Variants in RPIA observed in about 807,000 individuals in gnomAD.
RPIA encodes ribose-5-phosphate isomerase.
In RPIA, 29 loss-of-function variants were observed where a neutral mutation model predicts 37.8. The ratio of observed to expected loss-of-function variants is 0.77; its 90% CI spans 0.57 to 1.05. The LOEUF is 1.05. Ranked by LOEUF, RPIA falls within the 50% of genes least tolerant of loss-of-function variation. RPIA has a pLI of 0.00. For synonymous variants in RPIA, 167 were observed against 157.0 expected (o/e 1.06, Z -0.48); for missense variants, 385 against 413.6 (o/e 0.93, Z 0.60).
At chr2:88,742,763 T>C (rs13429448) in intron 8 of RPIA, among the ~76,000 whole-genome samples, 9,337 of 152,192 alleles carry the variant, frequency 0.061, 519 homozygotes, top group African/African-American at 0.14. Flanking sequence ...TTTCACCTCC[T>C]TGGTTGGGTA....
intron 1 of RPIA, among the ~76,000 whole-genome samples, chr2:88,697,161 A>G (rs1019414360): frequency 1.3e-5 from 2 of 152,246 alleles, no homozygotes; most frequent in African/African-American, 2.4e-5. Flanking sequence ...ACAAAGGCAC[A>G]TACCTTCTTA....
intron 3 of RPIA, among the ~76,000 whole-genome samples, chr2:88,701,765 G>A (rs201258980): frequency 6.6e-6 from 1 of 152,336 alleles, no homozygotes; most frequent in East Asian, 1.9e-4. Flanking sequence ...TTAGAGGAAA[G>A]AGTATGTTGG....
chr2:88,704,847 A>G (rs1239011405), intron 3 of RPIA, among the ~76,000 whole-genome samples: 1 of 152,222 alleles, frequency 6.6e-6, no homozygotes, highest in African/African-American at 2.4e-5. Context: ...AAGCTCCTTA[A>G]GCTGATAAGC....
At chr2:88,692,080 G>A in intron 1 of RPIA, 97 bp downstream of exon 1, 1 of 1,453,590 alleles carries the variant, frequency 6.9e-7, no homozygotes, top group South Asian at 1.3e-5. Flanking sequence ...CCTAGCTCCT[G>A]GCAGGGCGGG....
At chr2:88,702,272 G>A (rs1672841583) in intron 3 of RPIA, among the ~76,000 whole-genome samples, 1 of 152,174 alleles carries the variant, frequency 6.6e-6, no homozygotes, top group South Asian at 2.1e-4. Context: ...TTGTCTGGTT[G>A]CAAGTAAGAT....
Position 88,713,374 on chromosome 2 carries a change from A to G in RPIA, c.402+13310A>G, listed in dbSNP as rs1470135305. Among the ~76,000 whole-genome samples the G allele has an allele frequency of 4.0e-5, 6 of 151,814 alleles. No individual in the cohort carries two copies. The South Asian group carries it at 8.3e-4, about 21-fold the overall frequency. ...TTCCTCAGTCATCATTTGACTCTAC[A>G]GAGCACTATGTTAAATACTTTCTCA... On this transcript the variant is annotated intron_variant, in intron 3 of 8. Transcript: ENST00000283646.
In RPIA at chr2:88,691,709, C is replaced by G. The variant is rs199519092; in HGVS notation, c.11C>G (p.Pro4Arg). Residue 4 changes from proline to arginine, a missense_variant, in exon 1 of 9, where the codon CCC becomes CGC. Around this residue, in one of 2 missense-constraint regions of RPIA, gnomAD observed 232 missense variants for 203.0 expected, o/e 1.14. Coordinates refer to ENST00000283646, the MANE Select transcript of RPIA (RefSeq NM_144563.3). MQR[P>R]GPFSTLYGRV... ...GAGCGAGGCGTCGGGATGCAGCGCCCCGGGCCCTTCAGCACCCTCTACGGG... is the reference window on the plus strand; with the variant it reads ...GAGCGAGGCGTCGGGATGCAGCGCCGCGGGCCCTTCAGCACCCTCTACGGG... 5.7e-6 allele frequency: 9 copies of G among 1,578,536 alleles called. No individual in the cohort carries two copies. The South Asian group carries it at 8.0e-5, about 14-fold the overall frequency.
At chr2:88,736,828 A>G (rs2104135833) in intron 7 of RPIA, 152 bp downstream of exon 7, 1 of 1,019,240 alleles carries the variant, frequency 9.8e-7, no homozygotes, top group Non-Finnish European at 1.4e-6. Flanking sequence ...TTTTCGGAGA[A>G]TTGGCCTGTT....
chr2:88,712,642 C>T (rs1388440498), intron 3 of RPIA, among the ~76,000 whole-genome samples: 1 of 152,192 alleles, frequency 6.6e-6, no homozygotes, highest in Non-Finnish European at 1.5e-5. Context: ...GATTACTTTT[C>T]CTTGCCTGCC....
At chr2:88,739,057 A>G (rs905221605) in intron 8 of RPIA, among the ~76,000 whole-genome samples, 3 of 152,172 alleles carry the variant, frequency 2.0e-5, no homozygotes, top group Admixed American at 6.5e-5. Flanking sequence ...GGCAGTGTAG[A>G]GATGAGTTAT....
rs1158289934 is a variant in RPIA at position 88,698,480 on chromosome 2, G to T, written c.286-4G>T. 6.2e-7 allele frequency: 1 copy of T among 1,613,844 alleles called. No homozygotes were observed. Among genetic ancestry groups the T allele is most frequent in the South Asian group, 1.1e-5 (1 of 91,076 alleles). ...TTTGTTTTTTCTTCCCCGTTTTTTG[G>T]CAGAATAACCAAGTGCTGGGAATTG... On this transcript the variant is annotated splice_polypyrimidine_tract_variant and splice_region_variant and intron_variant, in intron 1 of 8. Transcript: ENST00000283646.
At chr2:88,699,933 T>G (rs995665167) in intron 2 of RPIA, 76 bp from the exon 3 acceptor site, 1 of 1,494,712 alleles carries the variant, frequency 6.7e-7, no homozygotes, top group Non-Finnish European at 9.3e-7. Context: ...GTCTGTTGGT[T>G]TCGAGCAAAC....
rs1239927402 is a variant in RPIA at position 88,729,432 on chromosome 2, T to C, written c.462+95T>C. ...TGGGCTCCAGATATCTTGTAAAATC[T>C]AGGGAAGATGTCAGTTAGTTGTACC... On this transcript the variant is annotated intron_variant, in intron 4 of 8. Transcript: ENST00000283646. 2.4e-6 allele frequency: 3 copies of C among 1,244,192 alleles called. No homozygotes were observed. The African/African-American group carries it at 4.4e-5, about 18-fold the overall frequency. 77.1% of individuals were successfully genotyped at this position (1,244,192 alleles called of 1,614,324 possible). A position where few individuals can be genotyped will look rare whatever the true frequency, so the allele number is the denominator to read the frequency against.
intron 3 of RPIA, among the ~76,000 whole-genome samples, chr2:88,715,089 A>G (rs1180588836): frequency 6.6e-6 from 1 of 152,248 alleles, no homozygotes; most frequent in African/African-American, 2.4e-5. Flanking sequence ...ACGCAGAGAC[A>G]CTGGTTTGTA....
intron 6 of RPIA, 100 bp downstream of exon 6, chr2:88,735,837 C>A: frequency 8.7e-7 from 1 of 1,154,138 alleles, no homozygotes; most frequent in Non-Finnish European, 1.3e-6. Context: ...GCTGCAGGGA[C>A]TGTCTGACTT....
chr2:88,725,678 T>C (rs894779211), intron 3 of RPIA, among the ~76,000 whole-genome samples: 2 of 152,186 alleles, frequency 1.3e-5, no homozygotes, highest in African/African-American at 4.8e-5. Context: ...AAAGACACTG[T>C]CTCCATAAAA....
chr2:88,694,500 T>G (rs1042577070), intron 1 of RPIA, among the ~76,000 whole-genome samples: 1 of 152,172 alleles, frequency 6.6e-6, no homozygotes, highest in Non-Finnish European at 1.5e-5. Flanking sequence ...TATGTGAAGG[T>G]CAGGTTAAGT....
chr2:88,704,692 C>T (rs1201948795), intron 3 of RPIA, among the ~76,000 whole-genome samples: 5 of 152,096 alleles, frequency 3.3e-5, no homozygotes, highest in African/African-American at 9.7e-5. Context: ...TCACCGCTCC[C>T]GTTCAACATA....
At position 88,750,107 on chromosome 2, in the gene RPIA, T is replaced by G. The variant is rs183747347; in HGVS notation, c.*29T>G. On this transcript the variant is annotated 3_prime_UTR_variant, in exon 9 of 9. Coordinates refer to ENST00000283646, the MANE Select transcript of RPIA (RefSeq NM_144563.3). ...TGCAAGGAGCAGAGTGTGTTCACCT[T>G]GAGTCTCCAGCCCACAGCCAAGGTG... is the stretch of plus-strand genomic sequence containing the variant. The G allele has an allele frequency of 2.8e-5, 43 of 1,526,706 alleles. No homozygotes were observed. The highest frequency in any genetic ancestry group is 1.7e-4 in the Middle Eastern group (1 of 5,898). 94.6% of individuals were successfully genotyped at this position (1,526,706 alleles called of 1,614,324 possible).
Sources: gnomAD v4.1 joint callset for allele counts (sites outside exome capture counted in the v4.1 genomes callset) on GRCh38, gnomAD v4.1.1 for gene constraint, gnomAD v4.1.1 regional missense constraint, MANE v1.5 for transcripts, NCBI Gene and HGNC (gene_info 2026-07-23, HGNC 2026-07-21) for gene names.